Variants in SLC36A3 observed in about 807,000 individuals in gnomAD.
SLC36A3 encodes the protein proton-coupled amino acid transporter 3.
A neutral mutation model predicts 44.3 loss-of-function variants in SLC36A3; 35 were observed. The observed-to-expected ratio is 0.79, with a 90% confidence interval of 0.60 to 1.05. SLC36A3 has a LOEUF of 1.05. SLC36A3 is among the 50% of genes least tolerant of loss of function. The probability of loss-of-function intolerance (pLI) is 0.00; values close to 1 mark genes in which losing one functional copy is unlikely to be tolerated. For missense variants in SLC36A3, 540 were observed against 578.7 expected (o/e 0.93, Z 0.69); for synonymous variants, 211 against 227.6 (o/e 0.93, Z 0.66).
chr5:151,293,310 G>A, intron 4 of SLC36A3, 54 bp downstream of exon 4: 1 of 1,460,802 alleles, frequency 6.8e-7, no homozygotes, highest in Non-Finnish European at 9.4e-7. Flanking sequence ...TAGAAATAAA[G>A]AAAAGTGATA....
At chr5:151,296,093 G>T in intron 3 of SLC36A3, 87 bp downstream of exon 3, 1 of 1,289,222 alleles carries the variant, frequency 7.8e-7, no homozygotes, top group South Asian at 1.2e-5. Flanking sequence ...AGCAGTGGCC[G>T]AATTAATTGG....
intron 8 of SLC36A3, among the ~76,000 whole-genome samples, chr5:151,282,967 C>T (rs1754384881): frequency 6.6e-6 from 1 of 151,934 alleles, no homozygotes; most frequent in Admixed American, 6.6e-5. Context: ...TCACTGCAAC[C>T]TCTGCCTCAC....
At position 151,280,956 on chromosome 5, in the gene SLC36A3, C is replaced by T. The variant is rs533247475; in HGVS notation, c.1144+58G>A. On this transcript the variant is annotated intron_variant, in intron 9 of 9. Coordinates refer to ENST00000335230, the MANE Select transcript of SLC36A3 (RefSeq NM_181774.4). ...GCAGATCCAATGATGGTGGGGTGGG[C>T]GCCAGCGTGGCTCCCTGTCATAGCT... 89 of 1,597,526 alleles carry T rather than the reference C, an allele frequency of 5.6e-5. 2 individuals carry two copies. The South Asian group carries it at 6.9e-4, about 12-fold the overall frequency.
At chr5:151,287,549 T>A in intron 5 of SLC36A3, 85 bp from the exon 6 acceptor site, 2 of 1,330,738 alleles carry the variant, frequency 1.5e-6, no homozygotes, top group Non-Finnish European at 2.1e-6. Flanking sequence ...GTAATTAATG[T>A]AACTTTTTAG....
At chr5:151,280,216 A>C (rs1217601786) in intron 9 of SLC36A3, among the ~76,000 whole-genome samples, 1 of 152,166 alleles carries the variant, frequency 6.6e-6, no homozygotes, top group African/African-American at 2.4e-5. Flanking sequence ...GCACTTTGGG[A>C]GGCTGAGGCA....
intron 8 of SLC36A3, among the ~76,000 whole-genome samples, chr5:151,281,644 C>T (rs1754319108): frequency 6.6e-6 from 1 of 152,132 alleles, no homozygotes; most frequent in African/African-American, 2.4e-5. Flanking sequence ...ATGGTGAAAG[C>T]TCGTCTCTAA....
At position 151,277,012 on chromosome 5, in the gene SLC36A3, C is replaced by A; in HGVS notation, c.*381G>T. The A allele has an allele frequency of 9.9e-6, 2 of 202,082 alleles. No homozygotes were observed. Among genetic ancestry groups the A allele is most frequent in the Non-Finnish European group, 1.0e-5 (1 of 98,142 alleles). The allele number at this position is 202,082 out of a possible 1,614,324, so 12.5% of individuals were successfully genotyped here. A position where few individuals can be genotyped will look rare whatever the true frequency, so the allele number is the denominator to read the frequency against. The stretch of plus-strand genomic sequence containing the variant: ...TAGAAAACTCCCTTCGCCCAACATA[C>A]ACTTTTCTAAATCTGATGCTTTAAG... On this transcript the variant is annotated 3_prime_UTR_variant, in exon 10 of 10. Coordinates refer to ENST00000335230, the MANE Select transcript of SLC36A3 (RefSeq NM_181774.4).
chr5:151,300,266 C>A (rs999681225), intron 1 of SLC36A3, among the ~76,000 whole-genome samples: 5 of 152,176 alleles, frequency 3.3e-5, no homozygotes, highest in African/African-American at 1.2e-4. Flanking sequence ...TAGGAAGAAG[C>A]TGTAACCAAC....
rs751522625 is a variant in SLC36A3 at position 151,281,006 on chromosome 5, C to T, written c.1144+8G>A. 28 of 1,613,814 alleles carry T rather than the reference C, an allele frequency of 1.7e-5. 1 individual carries two copies. The South Asian group carries it at 3.1e-4, about 18-fold the overall frequency. ...TTTGGGTAAAGAGTGCCCTTTTATG[C>T]TACTCACAGGTTAGACAGACCAAGG... On this transcript the variant is annotated splice_region_variant and intron_variant, in intron 9 of 9. Coordinates refer to ENST00000335230, the MANE Select transcript of SLC36A3 (RefSeq NM_181774.4).
At chr5:151,280,284 T>C (rs537482757) in intron 9 of SLC36A3, among the ~76,000 whole-genome samples, 3 of 151,896 alleles carry the variant, frequency 2.0e-5, no homozygotes, top group Admixed American at 6.6e-5. Flanking sequence ...TGAAACCCCG[T>C]CTCTACTAAA....
chr5:151,279,443 A>G (rs1754227110), intron 9 of SLC36A3, among the ~76,000 whole-genome samples: 2 of 152,252 alleles, frequency 1.3e-5, no homozygotes, highest in African/African-American at 4.8e-5. Context: ...TAGGTGCTCA[A>G]CAAATGATTG....
Position 151,276,598 on chromosome 5 carries a change from T to C in SLC36A3, c.*795A>G, listed in dbSNP as rs1302584930. On this transcript the variant is annotated 3_prime_UTR_variant, in exon 10 of 10. Coordinates refer to ENST00000335230, the MANE Select transcript of SLC36A3 (RefSeq NM_181774.4). ...AGTCTTTTTATGGATATATATTTCT[T>C]TTTTCTGGAGTGGAATAGTTGGATC... Among the ~76,000 whole-genome samples the C allele has an allele frequency of 6.6e-6, 1 of 152,224 alleles. No individual in the cohort carries two copies. Among genetic ancestry groups the C allele is most frequent in the Non-Finnish European group, 1.5e-5 (1 of 68,038 alleles).
chr5:151,303,585 C>A lies in SLC36A3; in HGVS notation c.-231G>T. 2.2e-6 allele frequency: 1 copy of A among 458,668 alleles called. No homozygotes were observed. Among genetic ancestry groups the A allele is most frequent in the Non-Finnish European group, 3.9e-6 (1 of 258,194 alleles). 28.4% of individuals were successfully genotyped at this position (458,668 alleles called of 1,614,324 possible). On this transcript the variant is annotated 5_prime_UTR_variant, in exon 1 of 10. Coordinates refer to ENST00000335230, the MANE Select transcript of SLC36A3 (RefSeq NM_181774.4). ...GGCTCTTGGGGGACTTATGAAAGACCCATCTCAGTCAGGATGGTCCTCAGT... is the reference window on the plus strand; with the variant it reads ...GGCTCTTGGGGGACTTATGAAAGACACATCTCAGTCAGGATGGTCCTCAGT...
intron 4 of SLC36A3, 119 bp downstream of exon 4, chr5:151,293,245 T>C (rs1380800751): frequency 2.4e-6 from 2 of 833,930 alleles, no homozygotes; most frequent in African/African-American, 3.4e-5. Context: ...GAGGTGATTC[T>C]CTCTATTGTT....
In SLC36A3 at chr5:151,288,488, A is replaced by T. The variant is rs780240304; in HGVS notation, c.405-18T>A. On this transcript the variant is annotated intron_variant, in intron 4 of 9. Coordinates refer to ENST00000335230, the MANE Select transcript of SLC36A3 (RefSeq NM_181774.4). ...CAGTGTACCTGGGAAGGAAAGGAAG[A>T]GGCAGACAGAGGGAGGAAACAAAAG... The T allele has an allele frequency of 6.7e-7, 1 of 1,482,248 alleles. No homozygotes were observed. The highest frequency in any genetic ancestry group is 9.1e-7 in the Non-Finnish European group (1 of 1,095,032). The allele number at this position is 1,482,248 out of a possible 1,614,324, so 91.8% of individuals were successfully genotyped here.
chr5:151,281,272 G>A, intron 8 of SLC36A3, 89 bp from the exon 9 acceptor site: 2 of 1,323,160 alleles, frequency 1.5e-6, no homozygotes, highest in African/African-American at 1.5e-5. Context: ...GCTGGTATGG[G>A]TTGAGTATCC....
intron 1 of SLC36A3, among the ~76,000 whole-genome samples, chr5:151,299,246 C>CTATA (rs1755072109): frequency 9.6e-5 from 9 of 93,486 alleles, no homozygotes; most frequent in Admixed American, 2.6e-4. Context: ...CTCTCTCTCT[C>CTATA]TCTCTCTCTC....
At position 151,284,717 on chromosome 5, in the gene SLC36A3, A is replaced by G. The variant is rs369308189; in HGVS notation, c.709-6T>C. The G allele has an allele frequency of 6.2e-7, 1 of 1,605,118 alleles. No homozygotes were observed. On this transcript the variant is annotated splice_region_variant and splice_polypyrimidine_tract_variant and intron_variant, in intron 6 of 9. Transcript: ENST00000335230. ...TTGCTGGGATATGGAATCCCCTAAAAGAAAGTGGGAGAAGCACATTGGTGT... is the reference window on the plus strand; with the variant it reads ...TTGCTGGGATATGGAATCCCCTAAAGGAAAGTGGGAGAAGCACATTGGTGT...
At chr5:151,288,267 T>C in intron 5 of SLC36A3, 119 bp downstream of exon 5, 1 of 647,858 alleles carries the variant, frequency 1.5e-6, no homozygotes, top group Admixed American at 3.5e-5. Context: ...CGTGGTCTGA[T>C]CTAGGAGTAG....
Sources: gnomAD v4.1 joint callset for allele counts (sites outside exome capture counted in the v4.1 genomes callset) on GRCh38, gnomAD v4.1.1 for gene constraint, MANE v1.5 for transcripts, NCBI Gene and HGNC (gene_info 2026-07-23, HGNC 2026-07-21) for gene names.